Variants in PLPP4 observed in about 807,000 individuals in gnomAD.
PLPP4 encodes diacylglycerol pyrophosphate like 2.
PLPP4 carries 20 observed loss-of-function variants against 32.2 expected under a neutral mutation model. The observed-to-expected ratio is 0.62, with a 90% CI of 0.44 to 0.90. The LOEUF (loss-of-function observed/expected upper bound fraction) is 0.90. PLPP4 is among the 40% of genes least tolerant of loss of function. PLPP4 has a pLI of 0.00. For synonymous variants in PLPP4, 127 were observed against 133.0 expected (o/e 0.95, Z 0.31); for missense variants, 257 against 353.1 (o/e 0.73, Z 2.18).
intron 5 of PLPP4, among the ~76,000 whole-genome samples, chr10:120,531,868 C>CT (rs1846744074): frequency 9.8e-6 from 1 of 101,620 alleles, no homozygotes; most frequent in Non-Finnish European, 2.0e-5. Context: ...ACACACTACA[C>CT]ACACTACACA....
At chr10:120,475,801 A>G (rs556405730) in intron 1 of PLPP4, among the ~76,000 whole-genome samples, 1 of 152,328 alleles carries the variant, frequency 6.6e-6, no homozygotes, top group Non-Finnish European at 1.5e-5. Context: ...CCCAGAGGGC[A>G]CCACATGTCA....
intron 1 of PLPP4, among the ~76,000 whole-genome samples, chr10:120,497,477 G>A (rs1355153799): frequency 1.1e-4 from 17 of 152,098 alleles, no homozygotes; most frequent in Admixed American, 9.2e-4. Flanking sequence ...TGTGCATTTT[G>A]TGTGTATGTA....
At chr10:120,574,494 A>C (rs1286556271) in intron 5 of PLPP4, among the ~76,000 whole-genome samples, 1 of 152,200 alleles carries the variant, frequency 6.6e-6, no homozygotes, top group Non-Finnish European at 1.5e-5. Context: ...TGCAATTCAG[A>C]AAAAACAATA....
At chr10:120,522,990 C>T (rs1478999245) in intron 5 of PLPP4, among the ~76,000 whole-genome samples, 1 of 152,202 alleles carries the variant, frequency 6.6e-6, no homozygotes, top group Non-Finnish European at 1.5e-5. Context: ...AGCCCAGTGG[C>T]AGGTGTCCTT....
intron 5 of PLPP4, among the ~76,000 whole-genome samples, chr10:120,565,543 A>T (rs1848654491): frequency 6.6e-6 from 1 of 152,022 alleles, no homozygotes; most frequent in Non-Finnish European, 1.5e-5. Flanking sequence ...GTGAGTCTTA[A>T]ACTGCTGCTC....
At chr10:120,578,612 A>G (rs1241876793) in intron 6 of PLPP4, among the ~76,000 whole-genome samples, 1 of 152,160 alleles carries the variant, frequency 6.6e-6, no homozygotes, top group Non-Finnish European at 1.5e-5. Flanking sequence ...CTCCATTATC[A>G]TGGTTATTTT....
At chr10:120,513,361 TC>T (rs1845805494) in intron 2 of PLPP4, among the ~76,000 whole-genome samples, 2 of 152,276 alleles carry the variant, frequency 1.3e-5, no homozygotes, top group South Asian at 4.2e-4. Flanking sequence ...CCAGTTTAAC[TC>T]ATTAAGTCTG....
At chr10:120,571,374 G>T (rs10886714) in intron 5 of PLPP4, among the ~76,000 whole-genome samples, 13,815 of 151,892 alleles carry the variant, frequency 0.091, 919 homozygotes, top group African/African-American at 0.17. Context: ...AGAAAGCTAG[G>T]ACTGTGCTTA....
At chr10:120,575,856 G>A (rs1177201336) in intron 6 of PLPP4, among the ~76,000 whole-genome samples, 1 of 152,140 alleles carries the variant, frequency 6.6e-6, no homozygotes, top group African/African-American at 2.4e-5. Context: ...CAAAACAAGG[G>A]AGGGGCTTGT....
intron 6 of PLPP4, among the ~76,000 whole-genome samples, 194 bp downstream of exon 6, chr10:120,575,495 G>T (rs1314846278): frequency 6.6e-6 from 1 of 152,186 alleles, no homozygotes; most frequent in African/African-American, 2.4e-5. Context: ...CCTGGGGAAA[G>T]AATTGGAGCT....
At chr10:120,580,957 C>G in intron 6 of PLPP4, 1 of 1,289,338 alleles carries the variant, frequency 7.8e-7, no homozygotes, top group Non-Finnish European at 1.0e-6. Flanking sequence ...CAACCCCCGC[C>G]TCTGTCTGGG....
chr10:120,527,917 T>TA (rs111459846), intron 5 of PLPP4, among the ~76,000 whole-genome samples: 13,548 of 152,164 alleles, frequency 0.089, 742 homozygotes, highest in South Asian at 0.13. Context: ...AGCTGGTTCT[T>TA]AGAGTGGTTG....
chr10:120,493,296 T>C (rs1844801715), intron 1 of PLPP4, among the ~76,000 whole-genome samples: 1 of 152,204 alleles, frequency 6.6e-6, no homozygotes, highest in South Asian at 2.1e-4. Flanking sequence ...GACTTGTTCC[T>C]CTTCCCCTGT....
chr10:120,585,970 G>A lies in PLPP4; in HGVS notation c.617-3333G>A, dbSNP rs1461122380. Among the ~76,000 whole-genome samples the A allele has an allele frequency of 9.8e-5, 15 of 152,298 alleles. No homozygotes were observed. The South Asian group carries it at 2.7e-3, about 27-fold the overall frequency. On this transcript the variant is annotated intron_variant, in intron 6 of 6. Coordinates refer to ENST00000398250, the MANE Select transcript of PLPP4 (RefSeq NM_001030059.3). Reference sequence around the variant, plus strand: ...CAGACAGCTACTGCTCAGTCACACTGTATTCATCAGTTGTTGAAGTTTGAA... The same window carrying A: ...CAGACAGCTACTGCTCAGTCACACTATATTCATCAGTTGTTGAAGTTTGAA...
intron 5 of PLPP4, among the ~76,000 whole-genome samples, chr10:120,568,634 T>G (rs1247935465): frequency 6.6e-6 from 1 of 152,218 alleles, no homozygotes; most frequent in African/African-American, 2.4e-5. Context: ...TCATCTTTAT[T>G]TCAAACCTGC....
intron 1 of PLPP4, among the ~76,000 whole-genome samples, chr10:120,497,152 A>G (rs1177705725): frequency 6.6e-6 from 1 of 152,108 alleles, no homozygotes; most frequent in African/African-American, 2.4e-5. Context: ...TGACCAAAAA[A>G]AGGTAGTCGG....
intron 2 of PLPP4, among the ~76,000 whole-genome samples, chr10:120,507,911 A>G (rs1286520453): frequency 2.0e-5 from 3 of 152,210 alleles, no homozygotes; most frequent in African/African-American, 7.2e-5. Flanking sequence ...CACAAGGTGA[A>G]CAGTTCAGCA....
intron 6 of PLPP4, chr10:120,580,825 C>T: frequency 2.4e-6 from 3 of 1,244,168 alleles, no homozygotes; most frequent in Admixed American, 4.6e-5. Context: ...CTGGGTAGAA[C>T]AAAAACACTG....
Position 120,469,680 on chromosome 10 carries a change from T to G in PLPP4, c.56+12319T>G, listed in dbSNP as rs923425811. 3.9e-5 allele frequency among the ~76,000 whole-genome samples: 6 copies of G among 152,328 alleles called. No homozygotes were observed. The East Asian group carries it at 1.2e-3, about 29-fold the overall frequency. ...TAAAGCAATACAAAAAGTATAAGGC[T>G]CCTGGAACCACTTCAACTTTCTCTG... On this transcript the variant is annotated intron_variant, in intron 1 of 6. Coordinates refer to ENST00000398250, the MANE Select transcript of PLPP4 (RefSeq NM_001030059.3).
Sources: gnomAD v4.1 joint callset for allele counts (sites outside exome capture counted in the v4.1 genomes callset) on GRCh38, gnomAD v4.1.1 for gene constraint, MANE v1.5 for transcripts, NCBI Gene and HGNC (gene_info 2026-07-23, HGNC 2026-07-21) for gene names.